TMEM245: variants seen among roughly 807,000 people sequenced by gnomAD.
TMEM245 encodes transmembrane protein 245.
A neutral mutation model predicts 101.2 loss-of-function variants in TMEM245; 69 were observed. The ratio of observed to expected loss-of-function variants is 0.68; its 90% CI spans 0.56 to 0.83. The LOEUF is 0.83. TMEM245 is among the 40% of genes least tolerant of loss of function. The probability of loss-of-function intolerance (pLI) is 0.00; values close to 1 mark genes in which losing one functional copy is unlikely to be tolerated. For synonymous variants in TMEM245, 537 were observed against 449.8 expected (o/e 1.19, Z -2.45); for missense variants, 1,075 against 1,092.8 (o/e 0.98, Z 0.23).
At chr9:109,049,165 T>G (rs1828595247) in intron 14 of TMEM245, among the ~76,000 whole-genome samples, 1 of 152,228 alleles carries the variant, frequency 6.6e-6, no homozygotes, top group African/African-American at 2.4e-5. Flanking sequence ...ATTACATCTT[T>G]GTAAATCTCA....
intron 17 of TMEM245, among the ~76,000 whole-genome samples, chr9:109,026,837 A>C (rs1438360505): frequency 6.6e-6 from 1 of 151,894 alleles, no homozygotes; most frequent in African/African-American, 2.4e-5. Context: ...AGGTGAGAGC[A>C]GTTTGTTTAG....
At chr9:109,085,322 G>A (rs963225091) in intron 7 of TMEM245, among the ~76,000 whole-genome samples, 3 of 152,098 alleles carry the variant, frequency 2.0e-5, no homozygotes, top group Admixed American at 2.0e-4. Flanking sequence ...ACTATATGTC[G>A]AGGTACAACA....
intron 9 of TMEM245, among the ~76,000 whole-genome samples, chr9:109,067,814 G>A (rs1829213884): frequency 6.6e-6 from 1 of 152,038 alleles, no homozygotes; most frequent in Non-Finnish European, 1.5e-5. Context: ...GGACTACATG[G>A]GCCATATAAA....
chr9:109,085,808 G>C (rs1829815904), intron 7 of TMEM245, among the ~76,000 whole-genome samples, 189 bp downstream of exon 7: 2 of 152,198 alleles, frequency 1.3e-5, no homozygotes, highest in African/African-American at 4.8e-5. Flanking sequence ...ATCCTAGACA[G>C]CCTTTGCTGA....
chr9:109,086,088 C>A lies in TMEM245; in HGVS notation c.1321-68G>T. ...GTGGAGTATCATTAGAGAATGCAACCATAGTATGAAAAGAAAAGGAAAGCA... is the reference window on the plus strand; with the variant it reads ...GTGGAGTATCATTAGAGAATGCAACAATAGTATGAAAAGAAAAGGAAAGCA... On this transcript the variant is annotated intron_variant, in intron 6 of 17. Coordinates refer to ENST00000374586, the MANE Select transcript of TMEM245 (RefSeq NM_032012.4). The A allele has an allele frequency of 1.3e-6, 2 of 1,517,682 alleles. No homozygotes were observed. The highest frequency in any genetic ancestry group is 9.1e-7 in the Non-Finnish European group (1 of 1,097,858). The allele number at this position is 1,517,682 out of a possible 1,614,324, so 94.0% of individuals were successfully genotyped here.
chr9:109,089,813 A>C (rs1829946535), intron 5 of TMEM245, among the ~76,000 whole-genome samples: 1 of 152,238 alleles, frequency 6.6e-6, no homozygotes, highest in Admixed American at 6.5e-5. Flanking sequence ...CTATGATTCC[A>C]TTTTGATGTA....
chr9:109,076,917 C>T (rs1476171252), intron 8 of TMEM245, among the ~76,000 whole-genome samples: 1 of 152,098 alleles, frequency 6.6e-6, no homozygotes, highest in Non-Finnish European at 1.5e-5. Flanking sequence ...TGGTCTCAAA[C>T]TCCTGGGCTC....
chr9:109,032,453 C>T (rs1039610101), intron 17 of TMEM245, among the ~76,000 whole-genome samples: 1 of 128,570 alleles, frequency 7.8e-6, no homozygotes. Flanking sequence ...GGCATGATCT[C>T]GGATCACTGC....
intron 2 of TMEM245, among the ~76,000 whole-genome samples, chr9:109,107,768 C>T (rs1275521761): frequency 6.6e-6 from 1 of 152,132 alleles, no homozygotes; most frequent in Admixed American, 6.6e-5. Flanking sequence ...TTGGCTCAAA[C>T]TTGGGAGATG....
chr9:109,033,053 T>C (rs7852270), intron 17 of TMEM245, among the ~76,000 whole-genome samples: 22,843 of 152,100 alleles, frequency 0.15, 1,931 homozygotes, highest in African/African-American at 0.2. Context: ...CCTGCCTTGT[T>C]CTCCCAAAGT....
chr9:109,073,810 G>A (rs890933590), intron 8 of TMEM245, among the ~76,000 whole-genome samples: 6 of 150,902 alleles, frequency 4.0e-5, no homozygotes, highest in Admixed American at 2.0e-4. Context: ...GGTTCATCAC[G>A]CAGTGTGAGA....
chr9:109,071,386 A>G (rs1829327163), intron 9 of TMEM245, among the ~76,000 whole-genome samples: 1 of 151,972 alleles, frequency 6.6e-6, no homozygotes, highest in Non-Finnish European at 1.5e-5. Flanking sequence ...AGGAGGGAAG[A>G]TCACTTGAGC....
At chr9:109,047,015 A>C (rs11792861) in intron 14 of TMEM245, among the ~76,000 whole-genome samples, 34,007 of 152,088 alleles carry the variant, frequency 0.22, 4,602 homozygotes, top group Admixed American at 0.3. Context: ...TGCAAAAAAA[A>C]CACCTTGAAT....
intron 10 of TMEM245, among the ~76,000 whole-genome samples, chr9:109,062,132 G>C (rs1302486514): frequency 2.0e-5 from 3 of 152,112 alleles, no homozygotes; most frequent in African/African-American, 7.2e-5. Flanking sequence ...AGACAGCCAA[G>C]TAGCTGGGAT....
intron 4 of TMEM245, 120 bp downstream of exon 4, chr9:109,093,355 G>C (rs1830058030): frequency 2.5e-6 from 2 of 792,872 alleles, no homozygotes; most frequent in African/African-American, 1.7e-5. Flanking sequence ...GAACCAAAGA[G>C]AATAAATGAA....
At chr9:109,026,984 G>A (rs1367003736) in intron 17 of TMEM245, among the ~76,000 whole-genome samples, 1 of 152,034 alleles carries the variant, frequency 6.6e-6, no homozygotes, top group Non-Finnish European at 1.5e-5. Context: ...TGTAGAGTCT[G>A]AAGAGCCATG....
chr9:109,097,127 A>C (rs1830162110), intron 3 of TMEM245, among the ~76,000 whole-genome samples: 1 of 152,238 alleles, frequency 6.6e-6, no homozygotes, highest in Non-Finnish European at 1.5e-5. Flanking sequence ...GAATATTGAA[A>C]GATGCCATCC....
chr9:109,106,907 T>C (rs1830441486), intron 2 of TMEM245, among the ~76,000 whole-genome samples: 1 of 152,038 alleles, frequency 6.6e-6, no homozygotes, highest in South Asian at 2.1e-4. Flanking sequence ...TCTAAAACCA[T>C]CCCGAACTCA....
intron 1 of TMEM245, among the ~76,000 whole-genome samples, chr9:109,117,407 C>G (rs1830754206): frequency 6.6e-6 from 1 of 152,096 alleles, no homozygotes; most frequent in South Asian, 2.1e-4. Flanking sequence ...CGTGAGCCAC[C>G]GCGCCCGGCC....
Sources: allele counts gnomAD v4.1 joint callset (sites outside exome capture counted in the v4.1 genomes callset), GRCh38; gene constraint gnomAD v4.1.1; transcripts MANE v1.5; gene names NCBI Gene and HGNC (gene_info 2026-07-23, HGNC 2026-07-21).